The following RNF38 variants were observed in gnomAD, a reference collection of about 807,000 sequenced individuals.
RNF38 encodes the protein E3 ubiquitin-protein ligase RNF38.
Under a neutral mutation model 67.2 loss-of-function variants are expected in RNF38, and 15 were observed. The observed-to-expected ratio is 0.22, with a 90% confidence interval of 0.15 to 0.34. The LOEUF (loss-of-function observed/expected upper bound fraction) is 0.34. Ranked by LOEUF, RNF38 falls within the 10% of genes least tolerant of loss-of-function variation. The pLI is 1.00. For missense variants in RNF38, 524 were observed against 639.9 expected (o/e 0.82, Z 1.95); for synonymous variants, 220 against 218.8 (o/e 1.01, Z -0.05).
intron 1 of RNF38, among the ~76,000 whole-genome samples, chr9:36,442,771 C>G (rs1184405917): frequency 6.6e-6 from 1 of 152,182 alleles, no homozygotes; most frequent in Non-Finnish European, 1.5e-5. Flanking sequence ...GAGAGAGGCT[C>G]AGTCTCAAAA....
chr9:36,381,154 T>G (rs757752386), intron 2 of RNF38, among the ~76,000 whole-genome samples: 5 of 152,238 alleles, frequency 3.3e-5, no homozygotes, highest in Admixed American at 3.3e-4. Context: ...CCATGCTGTC[T>G]GTGAACCTCT....
chr9:36,360,165 T>C (rs537559739), intron 4 of RNF38, among the ~76,000 whole-genome samples: 2 of 152,126 alleles, frequency 1.3e-5, no homozygotes, highest in East Asian at 1.9e-4. Flanking sequence ...AAAAAAAAAT[T>C]AGTTTTCTTC....
Position 36,467,244 on chromosome 9 carries a change from T to C in RNF38, n.241+20064A>G, listed in dbSNP as rs550012962. Among the ~76,000 whole-genome samples, 254 of 87,700 alleles carry C rather than the reference T, an allele frequency of 2.9e-3. 1 individual carries two copies. The highest frequency in any genetic ancestry group is 0.016 in the Middle Eastern group (3 of 192). 57.5% of individuals were successfully genotyped at this position (87,700 alleles called of 152,430 possible). A position where few individuals can be genotyped will look rare whatever the true frequency, so the allele number is the denominator to read the frequency against. ...TATATATATATATAATATATATATA[T>C]ACACACACACACACATATACACACA... On this transcript the variant is annotated intron_variant and non_coding_transcript_variant, in intron 1 of 3. Transcript: ENST00000488058.
At chr9:36,467,258 CATAT>C (rs147432912) in intron 1 of RNF38, among the ~76,000 whole-genome samples, 4 of 126,152 alleles carry the variant, frequency 3.2e-5, no homozygotes, top group Admixed American at 8.8e-5. Flanking sequence ...CACACACACA[CATAT>C]ACACACACAT....
At chr9:36,453,397 T>G (rs1025647315) in intron 1 of RNF38, among the ~76,000 whole-genome samples, 17 of 151,650 alleles carry the variant, frequency 1.1e-4, no homozygotes, top group Admixed American at 4.6e-4. Flanking sequence ...TTTTTTTTTT[T>G]TTTGAGACGG....
rs149933340 is a variant in RNF38 at position 36,432,528 on chromosome 9, T to C, written n.242-7845A>G. 1.8e-3 allele frequency among the ~76,000 whole-genome samples: 281 copies of C among 152,142 alleles called. 1 individual carries two copies. Among genetic ancestry groups the C allele is most frequent in the African/African-American group, 6.6e-3 (275 of 41,554 alleles). On this transcript the variant is annotated intron_variant and non_coding_transcript_variant, in intron 1 of 3. Transcript: ENST00000488058. ...ACTATTGGCCAGGCGCAGTGGCTCA[T>C]GCCTGTAATCCCAGCGCTTTGGGAG...
chr9:36,399,994 A>ATAAT (rs1554690911), intron 1 of RNF38, 103 bp downstream of exon 1: 4 of 1,037,126 alleles, frequency 3.9e-6, no homozygotes, highest in Non-Finnish European at 5.7e-6. Flanking sequence ...AATGGTGGCA[A>ATAAT]TAATTACATG....
chr9:36,475,326 A>G (rs1840098713), intron 1 of RNF38, among the ~76,000 whole-genome samples: 1 of 151,984 alleles, frequency 6.6e-6, no homozygotes, highest in African/African-American at 2.4e-5. Context: ...ATGTTTACCA[A>G]ATTATTATTA....
chr9:36,473,301 T>C, intron 1 of RNF38, among the ~76,000 whole-genome samples: 1 of 151,522 alleles, frequency 6.6e-6, no homozygotes, highest in East Asian at 2.0e-4. Context: ...TTTGTAAAAA[T>C]AAATAGCTGG....
chr9:36,464,806 A>C (rs371432721), intron 1 of RNF38, among the ~76,000 whole-genome samples: 1 of 152,332 alleles, frequency 6.6e-6, no homozygotes, highest in African/African-American at 2.4e-5. Context: ...CATTTTTAAA[A>C]ATCATTTCCA....
chr9:36,360,735 TG>T (rs1227679874), intron 4 of RNF38, among the ~76,000 whole-genome samples: 1 of 152,214 alleles, frequency 6.6e-6, no homozygotes, highest in African/African-American at 2.4e-5. Flanking sequence ...AAAAGTATGA[TG>T]AATTTTACCA....
intron 9 of RNF38, among the ~76,000 whole-genome samples, chr9:36,346,685 C>T (rs1031181614): frequency 1.3e-4 from 1 of 7,500 alleles, no homozygotes; most frequent in Non-Finnish European, 5.3e-3. Context: ...CAAATGTCAA[C>T]AGTTAATGTA....
intron 2 of RNF38, among the ~76,000 whole-genome samples, chr9:36,414,934 G>A (rs1838423333): frequency 6.6e-6 from 1 of 152,080 alleles, no homozygotes; most frequent in African/African-American, 2.4e-5. Context: ...CTGTTAATCT[G>A]ACAGGTTTTC....
intron 8 of RNF38, among the ~76,000 whole-genome samples, chr9:36,352,195 G>A (rs1469357956): frequency 6.6e-6 from 1 of 151,980 alleles, no homozygotes; most frequent in Non-Finnish European, 1.5e-5. Flanking sequence ...AGCTACTTGG[G>A]AGGCCGAGGC....
intron 2 of RNF38, among the ~76,000 whole-genome samples, chr9:36,422,351 AG>A (rs1287472657): frequency 2.0e-5 from 3 of 152,076 alleles, no homozygotes; most frequent in Non-Finnish European, 2.9e-5. Flanking sequence ...TGGGAGGCAG[AG>A]GTTGCAGTGA....
At chr9:36,471,082 C>T (rs1162122624) in intron 1 of RNF38, among the ~76,000 whole-genome samples, 3 of 152,158 alleles carry the variant, frequency 2.0e-5, no homozygotes. Context: ...CCTAACACAA[C>T]GATGTGCTTT....
At chr9:36,410,552 G>A (rs1034882404) in intron 2 of RNF38, among the ~76,000 whole-genome samples, 8 of 151,850 alleles carry the variant, frequency 5.3e-5, no homozygotes, top group African/African-American at 1.9e-4. Flanking sequence ...GAAACCTGCT[G>A]GCAGATCTAC....
At chr9:36,437,480 A>C (rs1463922083) in intron 1 of RNF38, among the ~76,000 whole-genome samples, 1 of 152,112 alleles carries the variant, frequency 6.6e-6, no homozygotes, top group Non-Finnish European at 1.5e-5. Context: ...CTGAGCTCAA[A>C]GCTTTCTAAG....
intron 1 of RNF38, among the ~76,000 whole-genome samples, chr9:36,441,137 G>A (rs1294478920): frequency 6.6e-6 from 1 of 152,094 alleles, no homozygotes; most frequent in Non-Finnish European, 1.5e-5. Context: ...CAATGGAAAA[G>A]AACATACCTT....
Sources: gnomAD v4.1 joint callset for allele counts (sites outside exome capture counted in the v4.1 genomes callset) on GRCh38, gnomAD v4.1.1 for gene constraint, MANE v1.5 for transcripts, NCBI Gene and HGNC (gene_info 2026-07-23, HGNC 2026-07-21) for gene names.